The following TYW1B variants were observed in gnomAD, a reference collection of about 807,000 sequenced individuals.
The protein encoded by TYW1B is tRNA-yW synthesizing protein 1 homolog B, also known as S-adenosyl-L-methionine-dependent tRNA 4-demethylwyosine synthase TYW1B.
Under a neutral mutation model 86.9 loss-of-function variants are expected in TYW1B, and 73 were observed. The ratio of observed to expected loss-of-function variants is 0.84; its 90% CI spans 0.70 to 1.02. The LOEUF (loss-of-function observed/expected upper bound fraction) is 1.02. TYW1B is among the 50% of genes least tolerant of loss of function. The probability of loss-of-function intolerance (pLI) is 0.00; values close to 1 mark genes in which losing one functional copy is unlikely to be tolerated. For missense variants in TYW1B, 637 were observed against 827.4 expected, an observed-to-expected ratio of 0.77 and a Z score of 2.82; for synonymous variants, 248 against 292.8, an observed-to-expected ratio of 0.85 and a Z score of 1.56.
chr7:72,723,565 G>C (rs1389677613), intron 9 of TYW1B, among the ~76,000 whole-genome samples: 1 of 152,108 alleles, frequency 6.6e-6, no homozygotes, highest in East Asian at 1.9e-4. Context: ...CCAGGAGTTC[G>C]AGATCAGACT....
intron 11 of TYW1B, among the ~76,000 whole-genome samples, chr7:72,648,395 T>C (rs1812983157): frequency 6.6e-6 from 1 of 151,724 alleles, no homozygotes; most frequent in Admixed American, 6.6e-5. Flanking sequence ...ATACAAAAAT[T>C]AGCTGGACTT....
At chr7:72,749,103 T>G (rs1282323668) in intron 7 of TYW1B, among the ~76,000 whole-genome samples, 2 of 152,188 alleles carry the variant, frequency 1.3e-5, no homozygotes, top group East Asian at 3.8e-4. Flanking sequence ...ATCAGTTTCT[T>G]CAATGATTAC....
chr7:72,705,381 AG>A (rs1429305764), intron 10 of TYW1B, among the ~76,000 whole-genome samples: 1 of 152,226 alleles, frequency 6.6e-6, no homozygotes, highest in Non-Finnish European at 1.5e-5. Context: ...AAGAGAATAA[AG>A]TTCCTACATA....
intron 6 of TYW1B, among the ~76,000 whole-genome samples, chr7:72,781,077 A>G (rs1788041932): frequency 6.6e-6 from 1 of 152,030 alleles, no homozygotes; most frequent in South Asian, 2.1e-4. Context: ...TTCTGTAACC[A>G]CATAACTAGC....
chr7:72,788,013 T>C (rs1788157925), intron 6 of TYW1B, among the ~76,000 whole-genome samples: 1 of 151,954 alleles, frequency 6.6e-6, no homozygotes, highest in South Asian at 2.1e-4. Context: ...AGTCTCACAC[T>C]GTCGCCCAGG....
At chr7:72,780,650 A>G (rs1353746540) in intron 6 of TYW1B, among the ~76,000 whole-genome samples, 1 of 152,146 alleles carries the variant, frequency 6.6e-6, no homozygotes, top group Non-Finnish European at 1.5e-5. Flanking sequence ...TAGAGAAAGT[A>G]TCTATTATAA....
intron 13 of TYW1B, among the ~76,000 whole-genome samples, chr7:72,592,303 T>C (rs1425547843): frequency 6.6e-6 from 1 of 152,136 alleles, no homozygotes; most frequent in Non-Finnish European, 1.5e-5. Context: ...TTGTATGCTG[T>C]TGAAGTTAAG....
intron 11 of TYW1B, among the ~76,000 whole-genome samples, chr7:72,670,287 G>A (rs1813566865): frequency 6.6e-6 from 1 of 152,214 alleles, no homozygotes; most frequent in African/African-American, 2.4e-5. Context: ...CGCCTCCAAG[G>A]TTCAAGCGAT....
chr7:72,664,769 A>G (rs1813421708), intron 11 of TYW1B, among the ~76,000 whole-genome samples: 1 of 152,186 alleles, frequency 6.6e-6, no homozygotes, highest in African/African-American at 2.4e-5. Flanking sequence ...AAAAAAATAC[A>G]GAGCATGCTT....
At chr7:72,576,661 C>T (rs1403850296) in intron 13 of TYW1B, among the ~76,000 whole-genome samples, 2 of 152,020 alleles carry the variant, frequency 1.3e-5, no homozygotes, top group Admixed American at 6.5e-5. Context: ...TCTTGGCTCC[C>T]GCTAGCACAC....
At chr7:72,586,388 A>G (rs1352800151) in intron 13 of TYW1B, among the ~76,000 whole-genome samples, 13 of 152,210 alleles carry the variant, frequency 8.5e-5, no homozygotes, top group Admixed American at 2.0e-4. Flanking sequence ...GGTTGAGCCA[A>G]TAACTGCATG....
chr7:72,655,759 G>A (rs1420837003), intron 11 of TYW1B, among the ~76,000 whole-genome samples: 9 of 152,130 alleles, frequency 5.9e-5, no homozygotes, highest in Non-Finnish European at 1.2e-4. Context: ...ACACCTTCAG[G>A]TGCCCTGAAA....
chr7:72,755,296 A>G (rs1470640232), intron 7 of TYW1B, among the ~76,000 whole-genome samples: 3 of 152,022 alleles, frequency 2.0e-5, no homozygotes, highest in Non-Finnish European at 4.4e-5. Context: ...GTGCGCACCT[A>G]TAGTCCCAGC....
At chr7:72,667,817 C>T (rs544856357) in intron 11 of TYW1B, among the ~76,000 whole-genome samples, 23 of 152,344 alleles carry the variant, frequency 1.5e-4, no homozygotes, top group Admixed American at 7.8e-4. Flanking sequence ...TGTTCCTATA[C>T]TCTTCAGGCA....
At chr7:72,763,657 G>A (rs1267477222) in intron 7 of TYW1B, among the ~76,000 whole-genome samples, 1 of 152,156 alleles carries the variant, frequency 6.6e-6, no homozygotes, top group Non-Finnish European at 1.5e-5. Context: ...GATTAAATGA[G>A]TAACTACTAT....
At position 72,788,722 on chromosome 7, in the gene TYW1B, G is replaced by A. The variant is rs150899732; in HGVS notation, c.847-11189C>T. On this transcript the variant is annotated intron_variant, in intron 6 of 13. Transcript: ENST00000620995. ...TAATTTTTGTATTTTTAGTAGAGAC[G>A]GGGTTTCGCCATGTTGGCCAGGTTG... Among the ~76,000 whole-genome samples the A allele has an allele frequency of 5.3e-3, 809 of 152,140 alleles. 8 individuals carry two copies. The highest frequency in any genetic ancestry group is 0.019 in the African/African-American group (778 of 41,510).
At position 72,616,654 on chromosome 7, in the gene TYW1B, T is replaced by G; in HGVS notation, c.1785+18A>C. Reference sequence around the variant, plus strand: ...CAGGGTCAGGGAACAGAAGATTCCATGTTTGAGTTATTCTTACCTTTCTGT... The same window carrying G: ...CAGGGTCAGGGAACAGAAGATTCCAGGTTTGAGTTATTCTTACCTTTCTGT... On this transcript the variant is annotated intron_variant, in intron 13 of 13. Transcript: ENST00000620995. 1 of 1,613,970 alleles carries G rather than the reference T, an allele frequency of 6.2e-7. No homozygotes were observed. Among genetic ancestry groups the G allele is most frequent in the Non-Finnish European group, 8.5e-7 (1 of 1,179,864 alleles).
chr7:72,600,648 C>G (rs1477319346), intron 13 of TYW1B, among the ~76,000 whole-genome samples: 4 of 152,158 alleles, frequency 2.6e-5, no homozygotes, highest in Non-Finnish European at 5.9e-5. Flanking sequence ...CTCTTAAACT[C>G]GGCCATAAGA....
chr7:72,817,533 G>C (rs1350383296), intron 2 of TYW1B, among the ~76,000 whole-genome samples: 1 of 152,152 alleles, frequency 6.6e-6, no homozygotes, highest in Non-Finnish European at 1.5e-5. Context: ...TGTTGGAAGT[G>C]AGCTCGAATA....
Sources: allele counts gnomAD v4.1 joint callset (sites outside exome capture counted in the v4.1 genomes callset), GRCh38; gene constraint gnomAD v4.1.1; transcripts MANE v1.5; gene names NCBI Gene and HGNC (gene_info 2026-07-23, HGNC 2026-07-21).